Variants in DNAJC1 observed in about 807,000 individuals in gnomAD.
The protein encoded by DNAJC1 is dnaJ homolog subfamily C member 1.
DNAJC1 carries 58 observed loss-of-function variants against 76.6 expected under a neutral mutation model. The ratio of observed to expected loss-of-function variants is 0.76; its 90% CI spans 0.61 to 0.94. DNAJC1 has a LOEUF of 0.94. DNAJC1 is among the 40% of genes least tolerant of loss of function. The probability of loss-of-function intolerance (pLI) is 0.00; values close to 1 mark genes in which losing one functional copy is unlikely to be tolerated. For missense variants in DNAJC1, 689 were observed against 677.3 expected (o/e 1.02, Z -0.19); for synonymous variants, 258 against 267.9 (o/e 0.96, Z 0.36).
chr10:21,920,205 TCA>T (rs1837018695), intron 4 of DNAJC1, among the ~76,000 whole-genome samples: 1 of 152,056 alleles, frequency 6.6e-6, no homozygotes. Context: ...TCACTTTTTC[TCA>T]TTCATCCAAC....
chr10:21,882,430 T>C lies in DNAJC1; in HGVS notation c.830A>G (p.Lys277Arg). The change falls in exon 8 of 12, where the codon AAA becomes AGA. Residue 277 changes from lysine (K) to arginine (R), a missense_variant. Coordinates refer to ENST00000376980, the MANE Select transcript of DNAJC1 (RefSeq NM_022365.4). ...AAATTCAGGTTTTGGTTTTTTAACTTTCTTCTGTTCTAAAAAATGTTTAAA... is the reference window on the plus strand; with the variant it reads ...AAATTCAGGTTTTGGTTTTTTAACTCTCTTCTGTTCTAAAAAATGTTTAAA... ...TELETLQKQK[K>R]VKKPKPEFPV... is the part of the protein sequence containing the mutation. 2 of 1,491,868 alleles carry C rather than the reference T, an allele frequency of 1.3e-6. No individual in the cohort carries two copies. The highest frequency in any genetic ancestry group is 8.9e-7 in the Non-Finnish European group (1 of 1,120,848). The allele number at this position is 1,491,868 out of a possible 1,614,324, so 92.4% of individuals were successfully genotyped here. A position where few individuals can be genotyped will look rare whatever the true frequency, so the allele number is the denominator to read the frequency against.
chr10:21,774,269 T>C (rs1439939798), intron 9 of DNAJC1, among the ~76,000 whole-genome samples: 1 of 152,194 alleles, frequency 6.6e-6, no homozygotes, highest in African/African-American at 2.4e-5. Flanking sequence ...TAAATTTTTC[T>C]CTGCTTCCTG....
chr10:21,852,564 A>C (rs868638977), intron 8 of DNAJC1, among the ~76,000 whole-genome samples: 23 of 152,230 alleles, frequency 1.5e-4, no homozygotes, highest in African/African-American at 5.5e-4. Flanking sequence ...ATGAAAAAAG[A>C]CATACAATAT....
rs780409375 is a variant in DNAJC1 at position 21,929,051 on chromosome 10, G to A, written c.313C>T (p.Gln105Ter). 16 of 1,604,100 alleles carry A rather than the reference G, an allele frequency of 1.0e-5. No individual in the cohort carries two copies. The highest frequency in any genetic ancestry group is 1.4e-5 in the Non-Finnish European group (16 of 1,174,262). Residue 105 changes from glutamine (Q) to a stop codon, truncating the protein, a stop_gained, in exon 2 of 12, where the codon CAG (glutamine) becomes TAG (stop). Coordinates refer to ENST00000376980, the MANE Select transcript of DNAJC1 (RefSeq NM_022365.4). LOFTEE classifies it high-confidence loss of function. Reference protein sequence around the residue: ...DKNKDENAETQFRQLVAIYEV... With the variant: ...DKNKDENAET ...CATATTTCACTTACTTGTCTAAACT[G>A]AGTTTCTGCATTTTCATCTTTATTC...
intron 8 of DNAJC1, among the ~76,000 whole-genome samples, chr10:21,825,158 T>C (rs1835227423): frequency 6.6e-6 from 1 of 152,224 alleles, no homozygotes; most frequent in Non-Finnish European, 1.5e-5. Context: ...CCATCACCAC[T>C]GTCCATCTCT....
intron 8 of DNAJC1, among the ~76,000 whole-genome samples, chr10:21,877,866 T>C (rs1836211824): frequency 6.6e-6 from 1 of 152,226 alleles, no homozygotes. Flanking sequence ...CAGCCTACTG[T>C]TGACTGGAAG....
intron 8 of DNAJC1, among the ~76,000 whole-genome samples, chr10:21,821,526 G>A (rs745891455): frequency 1.8e-4 from 27 of 152,068 alleles, no homozygotes; most frequent in Non-Finnish European, 3.5e-4. Flanking sequence ...AGGAAAAATA[G>A]AAGAACCCAT....
At chr10:21,765,657 C>A (rs1049997882) in intron 10 of DNAJC1, among the ~76,000 whole-genome samples, 5 of 152,094 alleles carry the variant, frequency 3.3e-5, no homozygotes, top group African/African-American at 1.2e-4. Flanking sequence ...CCAGCCTAGC[C>A]AAGATGGTGA....
chr10:21,891,196 A>G (rs913683994), intron 7 of DNAJC1, among the ~76,000 whole-genome samples: 3 of 152,186 alleles, frequency 2.0e-5, no homozygotes, highest in Non-Finnish European at 2.9e-5. Flanking sequence ...TCTCAAAAAA[A>G]TAAATAAATA....
chr10:21,953,435 T>C (rs988729525), intron 1 of DNAJC1, among the ~76,000 whole-genome samples: 3 of 152,020 alleles, frequency 2.0e-5, no homozygotes, highest in Admixed American at 6.6e-5. Context: ...GATACTTAAA[T>C]AGCCATTTTT....
chr10:21,949,853 G>A (rs776136953), intron 1 of DNAJC1, among the ~76,000 whole-genome samples: 33 of 152,050 alleles, frequency 2.2e-4, no homozygotes, highest in Non-Finnish European at 3.4e-4. Flanking sequence ...ATCTAGTTGC[G>A]TATTTATTGG....
chr10:21,894,671 G>A (rs1836512079), intron 7 of DNAJC1, among the ~76,000 whole-genome samples: 1 of 152,182 alleles, frequency 6.6e-6, no homozygotes, highest in South Asian at 2.1e-4. Context: ...AATGCAAAAA[G>A]AGAAAGCTAA....
chr10:21,853,514 T>A (rs1051780154), intron 8 of DNAJC1, among the ~76,000 whole-genome samples: 1 of 152,122 alleles, frequency 6.6e-6, no homozygotes, highest in Non-Finnish European at 1.5e-5. Context: ...CTCCCTGACC[T>A]TTTATTTCGG....
At chr10:21,790,032 A>G (rs1834663410) in intron 9 of DNAJC1, among the ~76,000 whole-genome samples, 1 of 150,326 alleles carries the variant, frequency 6.7e-6, no homozygotes, top group African/African-American at 2.4e-5. Flanking sequence ...AAAAAAAAAA[A>G]AAAAAGAAAC....
intron 4 of DNAJC1, 151 bp downstream of exon 4, chr10:21,920,647 A>T: frequency 1.6e-6 from 1 of 622,030 alleles, no homozygotes; most frequent in Non-Finnish European, 2.4e-6. Flanking sequence ...GTTCTTCTTG[A>T]CTTAGAAATA....
At chr10:21,917,960 G>A (rs1031598411) in intron 6 of DNAJC1, among the ~76,000 whole-genome samples, 7 of 151,870 alleles carry the variant, frequency 4.6e-5, no homozygotes, top group African/African-American at 1.7e-4. Context: ...TAACTACAAA[G>A]TGGGTAGAAC....
intron 9 of DNAJC1, among the ~76,000 whole-genome samples, chr10:21,783,364 AAGG>A (rs1834558988): frequency 1.3e-5 from 2 of 152,346 alleles, no homozygotes; most frequent in South Asian, 2.1e-4. Context: ...GGACCTCTTC[AAGG>A]AGAACTACAA....
intron 8 of DNAJC1, among the ~76,000 whole-genome samples, chr10:21,824,451 C>T (rs1192347855): frequency 6.6e-6 from 1 of 152,166 alleles, no homozygotes; most frequent in African/African-American, 2.4e-5. Flanking sequence ...AGTTTGGCAA[C>T]ACAGGATGGT....
chr10:21,974,096 G>A (rs867974222), intron 1 of DNAJC1, among the ~76,000 whole-genome samples: 19 of 142,892 alleles, frequency 1.3e-4, no homozygotes, highest in African/African-American at 3.4e-4. Flanking sequence ...AGTGAGACCC[G>A]TCTCAAAAAA....
Sources: allele counts gnomAD v4.1 joint callset (sites outside exome capture counted in the v4.1 genomes callset), GRCh38; gene constraint gnomAD v4.1.1; transcripts MANE v1.5; gene names NCBI Gene and HGNC (gene_info 2026-07-23, HGNC 2026-07-21).